Variants in CCHCR1 observed in about 807,000 individuals in gnomAD.
CCHCR1 encodes the protein HCR (a-helix coiled-coil rod homologue).
In CCHCR1, 91 loss-of-function variants were observed where a neutral mutation model predicts 114.6. That is an observed-to-expected ratio of 0.79 (90% CI 0.67 to 0.94). CCHCR1 has a LOEUF of 0.94. CCHCR1 is among the 40% of genes least tolerant of loss of function. The pLI is 0.00. For missense variants in CCHCR1, 899 were observed against 1,079.9 expected (o/e 0.83, Z 2.35); for synonymous variants, 379 against 428.5 (o/e 0.88, Z 1.43).
Position 31,151,270 on chromosome 6 carries a change from T to C in CCHCR1, c.802-148A>G, listed in dbSNP as rs948583573. 31 of 791,236 alleles carry C rather than the reference T, an allele frequency of 3.9e-5. No homozygotes were observed. Among genetic ancestry groups the C allele is most frequent in the Non-Finnish European group, 6.2e-5 (31 of 503,932 alleles). 49.0% of individuals were successfully genotyped at this position (791,236 alleles called of 1,614,324 possible). A position where few individuals can be genotyped will look rare whatever the true frequency, so the allele number is the denominator to read the frequency against. On this transcript the variant is annotated intron_variant, in intron 4 of 17. Coordinates refer to ENST00000396268, the MANE Select transcript of CCHCR1 (RefSeq NM_001105564.2). This position sits in a 1 kb window ranked among gnomAD's most constrained non-coding sequence, Gnocchi z 4.1. ...CAAATGGAGAGCTGGCAACTCACTC[T>C]CCGCAGCTGCCCCACAACCCATCAG...
Position 31,142,980 on chromosome 6 carries a change from G to A in CCHCR1, c.2474C>T (p.Thr825Ile), listed in dbSNP as rs781440936. ...ASAPVAAAVPTRESIKGSLSV... is the reference protein window; with the variant it reads ...ASAPVAAAVPIRESIKGSLSV... Reference sequence around the variant, plus strand: ...CCCAAGACCTTTTATGGACTCCCTGGTGGGCACTGCTGCTGCTACAGGTGC... The same window carrying A: ...CCCAAGACCTTTTATGGACTCCCTGATGGGCACTGCTGCTGCTACAGGTGC... Residue 825 changes from threonine to isoleucine, a missense_variant, in exon 17 of 18, where the codon ACC becomes ATC. Thr to Ile is a moderately conservative substitution (Grantham distance 89, BLOSUM62 -1). Coordinates refer to ENST00000396268, the MANE Select transcript of CCHCR1 (RefSeq NM_001105564.2). 10 of 1,612,892 alleles carry A rather than the reference G, an allele frequency of 6.2e-6. No individual in the cohort carries two copies. Among genetic ancestry groups the A allele is most frequent in the Non-Finnish European group, 8.5e-6 (10 of 1,179,996 alleles).
intron 10 of CCHCR1, among the ~76,000 whole-genome samples, chr6:31,147,122 C>T (rs967471841): frequency 2.0e-5 from 3 of 152,132 alleles, no homozygotes; most frequent in East Asian, 3.9e-4. Flanking sequence ...ACCTGCCGGC[C>T]AGGCACGGTG....
Position 31,145,225 on chromosome 6 carries a change from G to A in CCHCR1, c.1817C>T (p.Ala606Val). Residue 606 changes from alanine (A) to valine (V), a missense_variant, in exon 13 of 18, where the codon GCA (alanine) becomes GTA (valine). By Grantham distance (64) the Ala-to-Val change is moderately conservative. Transcript: ENST00000396268. ...QLREERNRLD[A>V]ELQLSARLIQ... is the part of the protein sequence containing the mutation. ...GAGGCGGGCACTCAGCTGCAGTTCT[G>A]CATCCAGGCGGTTCCGTTCTTCCCG... 3 of 1,613,486 alleles carry A rather than the reference G, an allele frequency of 1.9e-6. No homozygotes were observed. Among genetic ancestry groups the A allele is most frequent in the Non-Finnish European group, 2.5e-6 (3 of 1,180,000 alleles).
chr6:31,149,651 C>T (rs1774921958), intron 8 of CCHCR1: 1 of 156,066 alleles, frequency 6.4e-6, no homozygotes, highest in Non-Finnish European at 1.4e-5. Flanking sequence ...ACATGTTGCC[C>T]AGGCTGGTCT....
chr6:31,157,696 T>C lies in CCHCR1; in HGVS notation c.-96A>G. 1 of 982,540 alleles carries C rather than the reference T, an allele frequency of 1.0e-6. No individual in the cohort carries two copies. The highest frequency in any genetic ancestry group is 1.5e-6 in the Non-Finnish European group (1 of 664,992). The allele number at this position is 982,540 out of a possible 1,614,324, so 60.9% of individuals were successfully genotyped here. A position where few individuals can be genotyped will look rare whatever the true frequency, so the allele number is the denominator to read the frequency against. ...CCTGACATCTTATTCAAATCTTTCCTGCGGCTGTTCTCTCAGCTTCTCTCT... is the reference window on the plus strand; with the variant it reads ...CCTGACATCTTATTCAAATCTTTCCCGCGGCTGTTCTCTCAGCTTCTCTCT... On this transcript the variant is annotated 5_prime_UTR_variant, in exon 1 of 18. Coordinates refer to ENST00000396268, the MANE Select transcript of CCHCR1 (RefSeq NM_001105564.2).
Position 31,143,223 on chromosome 6 carries a change from G to C in CCHCR1, c.2319+39C>G. 1 of 1,611,410 alleles carries C rather than the reference G, an allele frequency of 6.2e-7. No individual in the cohort carries two copies. Among genetic ancestry groups the C allele is most frequent in the Non-Finnish European group, 8.5e-7 (1 of 1,179,324 alleles). ...TCTAGCCCAGGAACCAGCCCAGGAT[G>C]GGCCCTAGTGTCTGCCTGTCTGCCC... On this transcript the variant is annotated intron_variant, in intron 16 of 17. Coordinates refer to ENST00000396268, the MANE Select transcript of CCHCR1 (RefSeq NM_001105564.2). The surrounding 1 kb of genome is among the most constrained non-coding windows in gnomAD (Gnocchi z 5.3).
intron 10 of CCHCR1, among the ~76,000 whole-genome samples, chr6:31,146,671 C>A (rs9263748): frequency 6.6e-6 from 1 of 152,140 alleles, no homozygotes. Flanking sequence ...CCTACCACAG[C>A]CCTTATTAAA....
At chr6:31,148,832 C>T in intron 8 of CCHCR1, 104 bp from the exon 9 acceptor site, 2 of 18,032 alleles carry the variant, frequency 1.1e-4, no homozygotes, top group East Asian at 1.2e-3. Flanking sequence ...GAATGCCATG[C>T]AGGGGCTGGG....
At chr6:31,148,771 A>C in intron 8 of CCHCR1, 43 bp from the exon 9 acceptor site, 2 of 1,118,948 alleles carry the variant, frequency 1.8e-6, no homozygotes, top group Non-Finnish European at 1.3e-6. Flanking sequence ...CTAGAGCTAA[A>C]AGATGAGGGG....
At position 31,154,774 on chromosome 6, in the gene CCHCR1, C is replaced by T. The variant is rs146335956; in HGVS notation, c.523G>A (p.Ala175Thr). Residue 175 changes from alanine (A) to threonine (T), a missense_variant, in exon 4 of 18, where the codon GCC becomes ACC. Ala to Thr is a moderately conservative substitution (Grantham distance 58). Coordinates refer to ENST00000396268, the MANE Select transcript of CCHCR1 (RefSeq NM_001105564.2). The surrounding 1 kb of genome is among the most constrained non-coding windows in gnomAD (Gnocchi z 4.1). Reference sequence around the variant, plus strand: ...ATCACCTCAGCCTGCTGGCTCAGGGCCTGTGACCCCTCCAGCCCCCAGGAC... The same window carrying T: ...ATCACCTCAGCCTGCTGGCTCAGGGTCTGTGACCCCTCCAGCCCCCAGGAC... ...GRSWGLEGSQ[A>T]LSQQAEVIVR... is the part of the protein sequence containing the mutation. 2,043 of 1,605,020 alleles carry T rather than the reference C, an allele frequency of 1.3e-3. 19 individuals are homozygous for T. The highest frequency in any genetic ancestry group is 0.012 in the South Asian group (1,115 of 91,004).
rs1254733601 is a variant in CCHCR1 at position 31,142,857 on chromosome 6, G to T, written c.2491+106C>A. On this transcript the variant is annotated intron_variant, in intron 17 of 17. Transcript: ENST00000396268. ...CTGGGCATCGCTAAAAGAGGCTAAG[G>T]GCCTCGAAGGACCGCAGAGAACAAC... The T allele has an allele frequency of 3.4e-6, 5 of 1,483,384 alleles. No individual in the cohort carries two copies. In the African/African-American group the frequency reaches 5.6e-5, roughly 17 times the overall value. 91.9% of individuals were successfully genotyped at this position (1,483,384 alleles called of 1,614,324 possible).
rs1260501766 is a variant in CCHCR1 at position 31,142,480 on chromosome 6, A to T, written c.*112T>A. On this transcript the variant is annotated 3_prime_UTR_variant, in exon 18 of 18. Transcript: ENST00000396268. ...TTTATTTAGAGCAGAATTCAGACTCAGCTGGTATCCCCCAGGGCAACCCCA... is the reference window on the plus strand; with the variant it reads ...TTTATTTAGAGCAGAATTCAGACTCTGCTGGTATCCCCCAGGGCAACCCCA... 4.4e-6 allele frequency: 4 copies of T among 904,924 alleles called. No homozygotes were observed. Among genetic ancestry groups the T allele is most frequent in the Admixed American group, 4.6e-5 (2 of 43,074 alleles). 56.1% of individuals were successfully genotyped at this position (904,924 alleles called of 1,614,324 possible).
rs3064836 is a variant in CCHCR1 at position 31,149,151 on chromosome 6, CAAAAAA to C, written c.1363-429_1363-424del. ...TGGTGACAAGAACAAGACTCCTTCT[CAAAAAA>C]AAAAAAAAAAAAAAAAGAAAAGAAA... is the stretch of plus-strand genomic sequence containing the variant. On this transcript the variant is annotated intron_variant, in intron 8 of 17. Transcript: ENST00000396268. The C allele has an allele frequency of 7.8e-3, 942 of 120,846 alleles. 25 individuals are homozygous for C. In the East Asian group the frequency reaches 0.097, roughly 12 times the overall value. 7.5% of individuals were successfully genotyped at this position (120,846 alleles called of 1,614,324 possible).
rs2150991760 is a variant in CCHCR1 at position 31,143,663 on chromosome 6, AC to A, written c.2168-251del. On this transcript the variant is annotated intron_variant, in intron 15 of 17. Coordinates refer to ENST00000396268, the MANE Select transcript of CCHCR1 (RefSeq NM_001105564.2). This position sits in a 1 kb window ranked among gnomAD's most constrained non-coding sequence, Gnocchi z 5.3. ...TTCCTCAGGGGAAATCTGAACATGAACTGGGTTAGATTTTGTGCAATTAGTG... is the reference window on the plus strand; with the variant it reads ...TTCCTCAGGGGAAATCTGAACATGAATGGGTTAGATTTTGTGCAATTAGTG... Among the ~76,000 whole-genome samples, 1 of 152,298 alleles carries A rather than the reference AC, an allele frequency of 6.6e-6. No homozygotes were observed. The highest frequency in any genetic ancestry group is 2.1e-4 in the South Asian group (1 of 4,828).
chr6:31,150,381 C>T lies in CCHCR1; in HGVS notation c.1212+74G>A. 1 of 1,413,468 alleles carries T rather than the reference C, an allele frequency of 7.1e-7. No individual in the cohort carries two copies. The highest frequency in any genetic ancestry group is 9.9e-7 in the Non-Finnish European group (1 of 1,010,392). The allele number at this position is 1,413,468 out of a possible 1,614,324, so 87.6% of individuals were successfully genotyped here. ...TCTGGGGCACATTGACCCCTCCTGC[C>T]CACAGGGAGGGAGGCAGGGGACAGT... On this transcript the variant is annotated intron_variant, in intron 7 of 17. Transcript: ENST00000396268. This position sits in a 1 kb window ranked among gnomAD's most constrained non-coding sequence, Gnocchi z 5.3.
At position 31,154,861 on chromosome 6, in the gene CCHCR1, A is replaced by T. The variant is rs1423753420; in HGVS notation, c.498-62T>A. 6.9e-7 allele frequency: 1 copy of T among 1,448,118 alleles called. No homozygotes were observed. Among genetic ancestry groups the T allele is most frequent in the African/African-American group, 1.4e-5 (1 of 71,046 alleles). The allele number at this position is 1,448,118 out of a possible 1,614,324, so 89.7% of individuals were successfully genotyped here. A position where few individuals can be genotyped will look rare whatever the true frequency, so the allele number is the denominator to read the frequency against. On this transcript the variant is annotated intron_variant, in intron 3 of 17. Transcript: ENST00000396268. The surrounding 1 kb of genome is among the most constrained non-coding windows in gnomAD (Gnocchi z 4.1). The stretch of plus-strand genomic sequence containing the variant: ...CAGTGCTGGAAGGATAGTTGAGGGC[A>T]TAAACATAGCCAGGAGAAGGAAAAG...
At chr6:31,153,532 C>T (rs986490919) in intron 4 of CCHCR1, among the ~76,000 whole-genome samples, 1 of 151,992 alleles carries the variant, frequency 6.6e-6, no homozygotes, top group African/African-American at 2.4e-5. Flanking sequence ...AAAGGCCTTG[C>T]CCACTACAAG....
rs748547192 is a variant in CCHCR1, at chr6:31,142,694, A to T, written c.2514T>A (p.Asp838Glu). ...SIKGSLSVLL[D>E]DLQDLSEAIS... ...TGGCTTCACTCAGGTCCTGCAGGTC[A>T]TCGAGCAGGACAGAGAGGGACCCTG... The change falls in exon 18 of 18, where the codon GAT (aspartate) becomes GAA (glutamate). Residue 838 changes from aspartate to glutamate, a missense_variant. Transcript: ENST00000396268. 18 of 1,612,140 alleles carry T rather than the reference A, an allele frequency of 1.1e-5. No individual in the cohort carries two copies. The South Asian group carries it at 2.0e-4, about 18-fold the overall frequency.
chr6:31,153,823 C>T (rs6901657), intron 4 of CCHCR1, among the ~76,000 whole-genome samples: 10,219 of 152,290 alleles, frequency 0.067, 536 homozygotes, highest in East Asian at 0.17. Flanking sequence ...TGTGATCTGC[C>T]TGCTTCGGCC....
Sources: allele counts gnomAD v4.1 joint callset (sites outside exome capture counted in the v4.1 genomes callset), GRCh38; gene constraint gnomAD v4.1.1; non-coding constraint Gnocchi (gnomAD v3.1); transcripts MANE v1.5; gene names NCBI Gene and HGNC (gene_info 2026-07-23, HGNC 2026-07-21).